The following PALLD variants were observed in gnomAD, a reference collection of about 807,000 sequenced individuals.
PALLD encodes palladin.
In PALLD, 61 loss-of-function variants were observed where a neutral mutation model predicts 123.5. That is an observed-to-expected ratio of 0.49 (90% CI 0.40 to 0.61). The LOEUF is 0.61. Among genes scored for constraint, PALLD ranks in the 20% least tolerant of loss-of-function variants. The probability of loss-of-function intolerance (pLI) is 0.00; values close to 1 mark genes in which losing one functional copy is unlikely to be tolerated. For missense variants in PALLD, 1,273 were observed against 1,377.0 expected, an observed-to-expected ratio of 0.92 and a Z score of 1.20; for synonymous variants, 465 against 496.4, an observed-to-expected ratio of 0.94 and a Z score of 0.84.
chr4:168,654,770 G>GC (rs1561354367), intron 2 of PALLD: 1 of 152,226 alleles, frequency 6.6e-6, no homozygotes, highest in African/African-American at 2.4e-5. Context: ...AGCAGTGGAG[G>GC]CAGCCTTCTT....
intron 10 of PALLD, among the ~76,000 whole-genome samples, chr4:168,880,895 T>G (rs769226807): frequency 1.1e-4 from 16 of 152,194 alleles, no homozygotes; most frequent in Non-Finnish European, 7.3e-5. Context: ...TTCCAATATC[T>G]TAGTTTTCTT....
At chr4:168,806,452 C>T (rs1561544338) in intron 10 of PALLD, among the ~76,000 whole-genome samples, 1 of 152,150 alleles carries the variant, frequency 6.6e-6, no homozygotes, top group Non-Finnish European at 1.5e-5. Context: ...GCTTGCTTCC[C>T]CTTCACCCTT....
intron 2 of PALLD, among the ~76,000 whole-genome samples, chr4:168,518,085 A>G (rs1022529205): frequency 2.0e-5 from 3 of 152,130 alleles, no homozygotes; most frequent in African/African-American, 7.2e-5. Flanking sequence ...CATGTCAACA[A>G]AAGACAACCC....
At chr4:168,921,817 C>A in intron 18 of PALLD, 76 bp downstream of exon 18, 1 of 1,131,298 alleles carries the variant, frequency 8.8e-7, no homozygotes, top group Non-Finnish European at 1.3e-6. Context: ...TTCTACATTA[C>A]TAACCAATAC....
chr4:168,601,168 TTAATTCAG>T (rs1413323994), intron 2 of PALLD, among the ~76,000 whole-genome samples: 2 of 152,122 alleles, frequency 1.3e-5, no homozygotes, highest in African/African-American at 4.8e-5. Context: ...AAGAAATTTG[TTAATTCAG>T]TAAAAAAATC....
At chr4:168,825,828 T>TAC (rs1250131266) in intron 10 of PALLD, among the ~76,000 whole-genome samples, 110 of 152,200 alleles carry the variant, frequency 7.2e-4, no homozygotes, top group Non-Finnish European at 1.4e-3. Flanking sequence ...ACAAGATTCC[T>TAC]TGTTATGGTG....
At chr4:168,777,790 G>A (rs1735375266) in intron 10 of PALLD, among the ~76,000 whole-genome samples, 1 of 152,196 alleles carries the variant, frequency 6.6e-6, no homozygotes, top group African/African-American at 2.4e-5. Context: ...GGTTGGTACA[G>A]ACAATGGCAC....
intron 8 of PALLD, among the ~76,000 whole-genome samples, chr4:168,693,646 G>T (rs1782858580): frequency 6.6e-6 from 1 of 151,930 alleles, no homozygotes; most frequent in African/African-American, 2.4e-5. Flanking sequence ...ATTTCTCCTG[G>T]CAGAGAAATA....
At chr4:168,608,412 G>C (rs186610411) in intron 2 of PALLD, among the ~76,000 whole-genome samples, 3 of 152,318 alleles carry the variant, frequency 2.0e-5, no homozygotes, top group Non-Finnish European at 2.9e-5. Context: ...TGGTCTTCAT[G>C]AGACTGAGAC....
chr4:168,786,580 G>A (rs1378144223), intron 10 of PALLD, among the ~76,000 whole-genome samples: 1 of 152,162 alleles, frequency 6.6e-6, no homozygotes, highest in Non-Finnish European at 1.5e-5. Flanking sequence ...TGAGGTGGGA[G>A]GATAGTTTGA....
chr4:168,873,960 C>A (rs1751415372), intron 10 of PALLD, among the ~76,000 whole-genome samples: 2 of 152,198 alleles, frequency 1.3e-5, no homozygotes, highest in Admixed American at 1.3e-4. Context: ...ATTTGCCCAC[C>A]TGCCACTGCT....
chr4:168,540,962 T>C (rs1409054039), intron 2 of PALLD, among the ~76,000 whole-genome samples: 2 of 152,252 alleles, frequency 1.3e-5, no homozygotes, highest in African/African-American at 2.4e-5. Flanking sequence ...GGAAGGGTTA[T>C]AGATATACTC....
chr4:168,542,667 CTCTA>C (rs1204790247), intron 2 of PALLD, among the ~76,000 whole-genome samples: 3 of 77,932 alleles, frequency 3.8e-5, no homozygotes, highest in African/African-American at 1.3e-4. Context: ...AGCTCTCTCT[CTCTA>C]TATATATATA....
chr4:168,810,549 A>T (rs967183403), intron 10 of PALLD, among the ~76,000 whole-genome samples: 4 of 152,050 alleles, frequency 2.6e-5, no homozygotes, highest in African/African-American at 9.7e-5. Context: ...CCAGCTACTC[A>T]GGAGGCTGAA....
chr4:168,626,637 G>A (rs1013017749), intron 2 of PALLD, among the ~76,000 whole-genome samples: 6 of 151,544 alleles, frequency 4.0e-5, no homozygotes, highest in Non-Finnish European at 5.9e-5. Flanking sequence ...CTGGAGCCCT[G>A]GAGATTGAAG....
chr4:168,714,550 T>A (rs1785155579), intron 10 of PALLD, among the ~76,000 whole-genome samples: 1 of 152,250 alleles, frequency 6.6e-6, no homozygotes, highest in South Asian at 2.1e-4. Flanking sequence ...ACATTCATTT[T>A]TTTCTTTTCA....
At chr4:168,664,425 A>T (rs924998676) in intron 2 of PALLD, among the ~76,000 whole-genome samples, 5 of 152,218 alleles carry the variant, frequency 3.3e-5, no homozygotes, top group Admixed American at 6.5e-5. Flanking sequence ...CTCATTATGT[A>T]ATAAAACTCT....
Position 168,916,039 on chromosome 4 carries a change from T to C in PALLD, c.2850+12T>C. ...GAATGGACTGCAAAGTAAGATTTTG[T>C]TATTGCTTGCATATCCTATTGCCCC... is the stretch of plus-strand genomic sequence containing the variant. On this transcript the variant is annotated intron_variant, in intron 17 of 21. Transcript: ENST00000505667. 1 of 1,612,176 alleles carries C rather than the reference T, an allele frequency of 6.2e-7. No homozygotes were observed. Among genetic ancestry groups the C allele is most frequent in the Non-Finnish European group, 8.5e-7 (1 of 1,179,088 alleles).
rs77319041 is a variant in PALLD at position 168,537,210 on chromosome 4, G to T, written c.908+24798G>T. 5.9e-3 allele frequency among the ~76,000 whole-genome samples: 895 copies of T among 152,268 alleles called. 23 individuals are homozygous for T. The highest frequency in any genetic ancestry group is 0.058 in the East Asian group (298 of 5,170). On this transcript the variant is annotated intron_variant, in intron 2 of 21. Coordinates refer to ENST00000505667, the MANE Select transcript of PALLD (RefSeq NM_001166108.2). ...GGATATGCCTTTCCAATTTCATTAA[G>T]TTGCTTAGGGTGAGAACACAGGACT...
Sources: gnomAD v4.1 joint callset for allele counts (sites outside exome capture counted in the v4.1 genomes callset) on GRCh38, gnomAD v4.1.1 for gene constraint, MANE v1.5 for transcripts, NCBI Gene and HGNC (gene_info 2026-07-23, HGNC 2026-07-21) for gene names.